Variants in DOCK3 observed in about 807,000 individuals in gnomAD.
The protein encoded by DOCK3 is dedicator of cytokinesis protein 3.
In DOCK3, 60 loss-of-function variants were observed where a neutral mutation model predicts 265.6. That is an observed-to-expected ratio of 0.23 (90% CI 0.18 to 0.28). The LOEUF is 0.28. Among genes scored for constraint, DOCK3 ranks in the 10% least tolerant of loss-of-function variants. The pLI is 1.00. For synonymous variants in DOCK3, 881 were observed against 938.0 expected (o/e 0.94, Z 1.11); for missense variants, 1,981 against 2,594.3 (o/e 0.76, Z 5.14).
intron 12 of DOCK3, among the ~76,000 whole-genome samples, chr3:51,188,897 T>A (rs2087774990): frequency 6.6e-6 from 1 of 152,226 alleles, no homozygotes; most frequent in Non-Finnish European, 1.5e-5. Flanking sequence ...AGTGCTGCAA[T>A]AAACATGTGA....
At chr3:51,056,469 C>T (rs1436036538) in intron 5 of DOCK3, among the ~76,000 whole-genome samples, 1 of 152,052 alleles carries the variant, frequency 6.6e-6, no homozygotes, top group Non-Finnish European at 1.5e-5. Flanking sequence ...AGGATGGTCT[C>T]GATGTCCTGA....
At chr3:50,827,941 A>T (rs553824910) in intron 2 of DOCK3, among the ~76,000 whole-genome samples, 2 of 149,598 alleles carry the variant, frequency 1.3e-5, no homozygotes, top group African/African-American at 4.9e-5. Context: ...AGAGTTTGAA[A>T]CATGCACTCT....
chr3:51,040,138 C>A (rs1385946034), intron 5 of DOCK3, among the ~76,000 whole-genome samples: 1 of 151,832 alleles, frequency 6.6e-6, no homozygotes, highest in African/African-American at 2.4e-5. Flanking sequence ...ACTTCTAATG[C>A]TGTCTCTACC....
chr3:51,309,110 A>G (rs1415905279), intron 27 of DOCK3, among the ~76,000 whole-genome samples: 3 of 148,156 alleles, frequency 2.0e-5, no homozygotes, highest in Non-Finnish European at 4.5e-5. Flanking sequence ...CTGCGCAGCC[A>G]GGCAGAGGGG....
At chr3:50,959,794 A>G (rs537349913) in intron 5 of DOCK3, among the ~76,000 whole-genome samples, 1 of 151,996 alleles carries the variant, frequency 6.6e-6, no homozygotes, top group Non-Finnish European at 1.5e-5. Flanking sequence ...GTTAGCCAGG[A>G]TGGTCTCGAT....
rs1577004368 is a variant in DOCK3 at position 51,381,194 on chromosome 3, C to T, written c.5728C>T (p.Arg1910Cys). 3.7e-6 allele frequency: 6 copies of T among 1,613,944 alleles called. No individual in the cohort carries two copies. Among genetic ancestry groups the T allele is most frequent in the Non-Finnish European group, 5.1e-6 (6 of 1,179,882 alleles). The change falls in exon 53 of 53, where the codon CGC becomes TGC. Residue 1910 changes from arginine to cysteine, a missense_variant. Arg to Cys is a radical substitution (Grantham distance 180, BLOSUM62 -3). This residue lies in a region of DOCK3 where 1,357 missense variants were observed against 1,866.8 expected (regional missense o/e 0.73). Coordinates refer to ENST00000266037, the MANE Select transcript of DOCK3 (RefSeq NM_004947.5). This position sits in a 1 kb window ranked among gnomAD's most constrained non-coding sequence, Gnocchi z 5.6. Reference protein sequence around the residue: ...NFGHSSEAPPRTDTMDSMPSQ... With the variant: ...NFGHSSEAPPCTDTMDSMPSQ... ...TGGGCACTCCTCGGAGGCCCCACCT[C>T]GCACTGACACCATGGACTCCATGCC...
At chr3:50,876,928 T>A (rs2047729770) in intron 3 of DOCK3, 1 of 154,970 alleles carries the variant, frequency 6.5e-6, no homozygotes, top group Non-Finnish European at 1.4e-5. Flanking sequence ...GTAAATTTTC[T>A]TAAAACATTA....
chr3:50,786,244 T>C (rs2042180298), intron 2 of DOCK3, among the ~76,000 whole-genome samples: 1 of 152,202 alleles, frequency 6.6e-6, no homozygotes, highest in Non-Finnish European at 1.5e-5. Flanking sequence ...CATCTTTTCT[T>C]TTTTTCTTTA....
intron 2 of DOCK3, among the ~76,000 whole-genome samples, chr3:50,807,492 C>T (rs2106700058): frequency 1.3e-5 from 2 of 152,282 alleles, no homozygotes; most frequent in East Asian, 3.9e-4. Flanking sequence ...CCACTTCCAA[C>T]ATCGGGGATC....
chr3:50,916,960 A>G (rs779489068), intron 4 of DOCK3, among the ~76,000 whole-genome samples: 2 of 152,080 alleles, frequency 1.3e-5, no homozygotes, highest in Non-Finnish European at 2.9e-5. Context: ...ATTTCAAAAT[A>G]CATATTTTAA....
At chr3:50,693,977 C>A (rs28412709) in intron 1 of DOCK3, among the ~76,000 whole-genome samples, 28,937 of 152,018 alleles carry the variant, frequency 0.19, 3,546 homozygotes, top group Non-Finnish European at 0.26. Flanking sequence ...TTGCTACATA[C>A]AAAATTGTTG....
chr3:50,690,170 C>G (rs1464284241), intron 1 of DOCK3, among the ~76,000 whole-genome samples: 1 of 147,344 alleles, frequency 6.8e-6, no homozygotes, highest in Non-Finnish European at 1.5e-5. Flanking sequence ...GTCTTGCTCT[C>G]TCTCCCAGGC....
chr3:50,712,337 CTTTT>C (rs1014264548), intron 1 of DOCK3, among the ~76,000 whole-genome samples: 4 of 152,002 alleles, frequency 2.6e-5, no homozygotes, highest in African/African-American at 9.7e-5. Context: ...TCTTGTAAGA[CTTTT>C]TATTTTTATT....
At chr3:51,106,778 G>C (rs2083297875) in intron 9 of DOCK3, among the ~76,000 whole-genome samples, 1 of 152,096 alleles carries the variant, frequency 6.6e-6, no homozygotes, top group Non-Finnish European at 1.5e-5. Context: ...ACTAATAGGA[G>C]GGGGTGCCCC....
intron 27 of DOCK3, 26 bp downstream of exon 27, chr3:51,280,230 G>A (rs759354239): frequency 1.3e-6 from 2 of 1,598,218 alleles, no homozygotes; most frequent in Admixed American, 3.4e-5. Context: ...CCTTTCCTCT[G>A]GGAGAGGAAG....
At chr3:51,348,410 A>C (rs2085741682) in intron 38 of DOCK3, among the ~76,000 whole-genome samples, 2 of 152,236 alleles carry the variant, frequency 1.3e-5, no homozygotes, top group Non-Finnish European at 2.9e-5. Flanking sequence ...ATCTCATCAA[A>C]TAAATCTTTA....
At chr3:50,938,478 T>G (rs2051516805) in intron 5 of DOCK3, among the ~76,000 whole-genome samples, 1 of 152,080 alleles carries the variant, frequency 6.6e-6, no homozygotes, top group African/African-American at 2.4e-5. Flanking sequence ...TTCTTTTCAG[T>G]CAAACATGTT....
intron 22 of DOCK3, among the ~76,000 whole-genome samples, chr3:51,253,074 G>C (rs923757955): frequency 3.9e-5 from 6 of 152,116 alleles, no homozygotes; most frequent in Non-Finnish European, 5.9e-5. Context: ...TAGCGTGAAG[G>C]GCTGTTGAAT....
chr3:51,169,128 A>C (rs1185674333), intron 12 of DOCK3, among the ~76,000 whole-genome samples: 1 of 152,210 alleles, frequency 6.6e-6, no homozygotes, highest in Non-Finnish European at 1.5e-5. Flanking sequence ...ACACTTATAC[A>C]CTGTTGGTGT....
Sources: allele counts gnomAD v4.1 joint callset (sites outside exome capture counted in the v4.1 genomes callset), GRCh38; gene constraint gnomAD v4.1.1; regional missense constraint gnomAD v4.1.1; non-coding constraint Gnocchi (gnomAD v3.1); transcripts MANE v1.5; gene names NCBI Gene and HGNC (gene_info 2026-07-23, HGNC 2026-07-21).